COBL: variants seen among roughly 807,000 people sequenced by gnomAD.
COBL encodes the protein cordon-bleu WH2 repeat protein, also known as protein cordon-bleu.
In COBL, 51 loss-of-function variants were observed where a neutral mutation model predicts 98.8. That is an observed-to-expected ratio of 0.52 (90% CI 0.41 to 0.65). The LOEUF is 0.65. Among genes scored for constraint, COBL ranks in the 30% least tolerant of loss-of-function variants. The pLI is 0.00. For missense variants in COBL, 1,617 were observed against 1,617.5 expected (o/e 1.00, Z 0.01); for synonymous variants, 634 against 651.7 (o/e 0.97, Z 0.41).
chr7:51,262,950 G>T (rs577092710), intron 1 of COBL, among the ~76,000 whole-genome samples: 2 of 152,306 alleles, frequency 1.3e-5, no homozygotes, highest in African/African-American at 2.4e-5. Context: ...TCTGGAAAAA[G>T]AAGTCAGTGT....
chr7:51,283,728 G>A (rs190532498), intron 1 of COBL, among the ~76,000 whole-genome samples: 12 of 152,130 alleles, frequency 7.9e-5, no homozygotes, highest in East Asian at 3.9e-4. Flanking sequence ...CAGATGATCC[G>A]CCTGCCTCGG....
intron 1 of COBL, among the ~76,000 whole-genome samples, chr7:51,239,361 C>A (rs1373595024): frequency 6.6e-6 from 1 of 152,182 alleles, no homozygotes; most frequent in Non-Finnish European, 1.5e-5. Context: ...CTCCTACACT[C>A]CCACCAGCAC....
intron 6 of COBL, among the ~76,000 whole-genome samples, chr7:51,112,703 G>C (rs1044482912): frequency 2.0e-5 from 3 of 152,196 alleles, no homozygotes; most frequent in African/African-American, 7.2e-5. Flanking sequence ...TTGCTTTGCA[G>C]TCCACAGAGG....
At chr7:51,315,738 C>T (rs1408283046) in intron 1 of COBL, among the ~76,000 whole-genome samples, 1 of 151,954 alleles carries the variant, frequency 6.6e-6, no homozygotes, top group African/African-American at 2.4e-5. Context: ...GCACCTGGCT[C>T]GGGGTCTGAA....
chr7:51,274,493 T>C (rs192041193), intron 1 of COBL, among the ~76,000 whole-genome samples: 3 of 152,296 alleles, frequency 2.0e-5, no homozygotes, highest in African/African-American at 4.8e-5. Context: ...TGACCATTCA[T>C]TATCCATGAA....
chr7:51,072,144 TC>T (rs1278879385), intron 7 of COBL: 1 of 152,062 alleles, frequency 6.6e-6, no homozygotes, highest in Non-Finnish European at 1.5e-5. Context: ...ACTTACTGAT[TC>T]TTTTTTTTTT....
Position 51,306,363 on chromosome 7 carries a change from G to A in COBL, c.41+10230C>T, listed in dbSNP as rs192627419. On this transcript the variant is annotated intron_variant, in intron 1 of 12. Transcript: ENST00000265136. ...ATTACTGAGGCTCTTGCAGCTTGGAGCAAGGGCTGTATAAAGTTACCCAAA... is the reference window on the plus strand; with the variant it reads ...ATTACTGAGGCTCTTGCAGCTTGGAACAAGGGCTGTATAAAGTTACCCAAA... Among the ~76,000 whole-genome samples the A allele has an allele frequency of 1.4e-3, 210 of 152,288 alleles. 2 individuals are homozygous for A. The highest frequency in any genetic ancestry group is 2.7e-3 in the Non-Finnish European group (183 of 68,036).
intron 4 of COBL, chr7:51,188,052 G>A (rs1789716779): frequency 9.8e-7 from 1 of 1,025,538 alleles, no homozygotes; most frequent in African/African-American, 1.7e-5. Flanking sequence ...CTCAGAGGGG[G>A]GCTGTCCTGC....
intron 5 of COBL, among the ~76,000 whole-genome samples, chr7:51,145,329 T>G (rs1180868575): frequency 1.3e-5 from 2 of 151,656 alleles, no homozygotes; most frequent in African/African-American, 4.9e-5. Context: ...TTTTAATTCT[T>G]TTGGGTATAT....
chr7:51,256,010 A>G (rs181980570), intron 1 of COBL, among the ~76,000 whole-genome samples: 8 of 152,098 alleles, frequency 5.3e-5, no homozygotes, highest in African/African-American at 1.9e-4. Flanking sequence ...CTTGGTCTCT[A>G]TTTTTACTCC....
intron 6 of COBL, among the ~76,000 whole-genome samples, chr7:51,115,217 G>A (rs914302046): frequency 1.3e-5 from 2 of 152,110 alleles, no homozygotes; most frequent in African/African-American, 4.8e-5. Flanking sequence ...GGTTGATCAT[G>A]TGAAAGACAG....
Position 51,028,590 on chromosome 7 carries a change from G to A in COBL, c.2506C>T (p.Pro836Ser). 1.2e-6 allele frequency: 2 copies of A among 1,614,180 alleles called. No individual in the cohort carries two copies. The highest frequency in any genetic ancestry group is 1.7e-6 in the Non-Finnish European group (2 of 1,180,014). ...ACGTGACCCATGCCCATGGTGGGGG[G>A]CTGGTTTCTCCCCTCCCCTAGGGGG... Reference protein sequence around the residue: ...RNPLGEGRNQPPTMGMGHVRV... With the variant: ...RNPLGEGRNQSPTMGMGHVRV... The change falls in exon 10 of 13, where the codon CCC (proline) becomes TCC (serine). Residue 836 changes from proline to serine, a missense_variant. Pro to Ser is a moderately conservative substitution (Grantham distance 74, BLOSUM62 -1). Transcript: ENST00000265136.
At chr7:51,189,642 A>T (rs1191250699) in intron 4 of COBL, among the ~76,000 whole-genome samples, 3 of 152,056 alleles carry the variant, frequency 2.0e-5, no homozygotes, top group African/African-American at 2.4e-5. Flanking sequence ...CTCAAAAAAT[A>T]AAAAAAAGAG....
chr7:51,214,005 C>T (rs537664822), intron 2 of COBL, among the ~76,000 whole-genome samples: 6 of 152,204 alleles, frequency 3.9e-5, no homozygotes, highest in African/African-American at 7.2e-5. Flanking sequence ...GTGGCTCACG[C>T]CTGTAATCCC....
Position 51,027,842 on chromosome 7 carries a change from G to C in COBL, c.3254C>G (p.Pro1085Arg), listed in dbSNP as rs1238966906. 8.7e-6 allele frequency: 14 copies of C among 1,614,100 alleles called. No homozygotes were observed. The change falls in exon 10 of 13, where the codon CCA (proline) becomes CGA (arginine). Residue 1085 changes from proline (P) to arginine (R), a missense_variant. By Grantham distance (103) the Pro-to-Arg change is moderately radical. This residue lies in a region of COBL where 1,304 missense variants were observed against 1,282.0 expected (regional missense o/e 1.02). Transcript: ENST00000265136. ...TTTCTTCGGCCCAAAAATGCTGGGT[G>C]GCCAAATACTGTCTGTTTCATTTCC... The part of the protein sequence containing the change: ...TDGNETDSIW[P>R]PSIFGPKKKF...
At chr7:51,242,735 T>C (rs1359827594) in intron 1 of COBL, among the ~76,000 whole-genome samples, 1 of 152,180 alleles carries the variant, frequency 6.6e-6, no homozygotes, top group Admixed American at 6.5e-5. Context: ...ATCTGCTCTG[T>C]TCTGAGAATT....
At chr7:51,258,728 CAA>C (rs1007426069) in intron 1 of COBL, among the ~76,000 whole-genome samples, 6 of 152,042 alleles carry the variant, frequency 3.9e-5, no homozygotes, top group Admixed American at 6.5e-5. Flanking sequence ...AAAGTAATTT[CAA>C]AAAGAGTTAA....
At chr7:51,103,482 G>T (rs914374039) in intron 6 of COBL, among the ~76,000 whole-genome samples, 1 of 151,980 alleles carries the variant, frequency 6.6e-6, no homozygotes, top group African/African-American at 2.4e-5. Flanking sequence ...AATCTGTCAG[G>T]GTTCTCTCCG....
chr7:51,169,324 T>A (rs1217850705), intron 5 of COBL, among the ~76,000 whole-genome samples: 1 of 152,150 alleles, frequency 6.6e-6, no homozygotes, highest in African/African-American at 2.4e-5. Flanking sequence ...GTGTACTGAT[T>A]GATGTATTAT....
Sources: gnomAD v4.1 joint callset for allele counts (sites outside exome capture counted in the v4.1 genomes callset) on GRCh38, gnomAD v4.1.1 for gene constraint, gnomAD v4.1.1 regional missense constraint, MANE v1.5 for transcripts, NCBI Gene and HGNC (gene_info 2026-07-23, HGNC 2026-07-21) for gene names.